The following CTNNA2 variants were observed in gnomAD, a reference collection of about 807,000 sequenced individuals.
CTNNA2 encodes the protein catenin alpha-2.
In CTNNA2, 42 loss-of-function variants were observed where a neutral mutation model predicts 101.0. The ratio of observed to expected loss-of-function variants is 0.42; its 90% CI spans 0.32 to 0.54. CTNNA2 has a LOEUF of 0.54. Among genes scored for constraint, CTNNA2 ranks in the 20% least tolerant of loss-of-function variants. The probability of loss-of-function intolerance (pLI) is 0.14; values close to 1 mark genes in which losing one functional copy is unlikely to be tolerated. For missense variants in CTNNA2, 871 were observed against 1,223.1 expected (o/e 0.71, Z 4.29); for synonymous variants, 450 against 456.4 (o/e 0.99, Z 0.18).
At chr2:79,757,767 C>T (rs75236684) in intron 3 of CTNNA2, among the ~76,000 whole-genome samples, 2,439 of 152,190 alleles carry the variant, frequency 0.016, 47 homozygotes, top group African/African-American at 0.054. Context: ...ATGGTGCCTG[C>T]GCTGTGCGAC....
intron 4 of CTNNA2, among the ~76,000 whole-genome samples, chr2:79,391,537 A>T (rs1364557487): frequency 6.6e-6 from 1 of 152,170 alleles, no homozygotes; most frequent in Non-Finnish European, 1.5e-5. Context: ...GTCAAAAATT[A>T]TATGTGGACT....
intron 2 of CTNNA2, among the ~76,000 whole-genome samples, chr2:79,709,740 T>A (rs1258255387): frequency 2.0e-5 from 3 of 151,620 alleles, no homozygotes; most frequent in Admixed American, 6.6e-5. Flanking sequence ...CAGCAGGAAG[T>A]GGTAATGGAG....
chr2:79,640,306 G>A (rs1363085917), intron 1 of CTNNA2, among the ~76,000 whole-genome samples: 4 of 152,028 alleles, frequency 2.6e-5, no homozygotes, highest in African/African-American at 9.7e-5. Context: ...CAGTGAGAAG[G>A]AAGACTTCCT....
intron 4 of CTNNA2, among the ~76,000 whole-genome samples, chr2:79,499,673 A>G (rs1482825383): frequency 6.6e-6 from 1 of 152,180 alleles, no homozygotes; most frequent in African/African-American, 2.4e-5. Flanking sequence ...CACTGGCTAT[A>G]GTATCCCATT....
chr2:79,503,837 G>A (rs1473692031), intron 4 of CTNNA2, among the ~76,000 whole-genome samples: 1 of 152,072 alleles, frequency 6.6e-6, no homozygotes, highest in Non-Finnish European at 1.5e-5. Context: ...CGGCCATTTT[G>A]GGTCCTTATT....
intron 7 of CTNNA2, among the ~76,000 whole-genome samples, chr2:80,154,633 T>C (rs141424279): frequency 5.6e-4 from 86 of 152,256 alleles, no homozygotes; most frequent in African/African-American, 1.9e-3. Context: ...GTGGACAAGA[T>C]TGTGCTGAGA....
intron 7 of CTNNA2, among the ~76,000 whole-genome samples, chr2:80,164,135 G>T (rs900893357): frequency 6.6e-6 from 1 of 151,588 alleles, no homozygotes; most frequent in African/African-American, 2.4e-5. Context: ...GGCATATTTA[G>T]GTTATTTGCA....
intron 9 of CTNNA2, among the ~76,000 whole-genome samples, chr2:80,512,372 A>T (rs1488166412): frequency 6.6e-6 from 1 of 152,146 alleles, no homozygotes; most frequent in Non-Finnish European, 1.5e-5. Context: ...AGCAGATATA[A>T]AAATAAAACT....
chr2:80,109,266 C>T (rs914433364), intron 7 of CTNNA2, among the ~76,000 whole-genome samples: 8 of 152,028 alleles, frequency 5.3e-5, no homozygotes, highest in African/African-American at 9.7e-5. Context: ...TGAGGCCATC[C>T]TGGCCAACAT....
chr2:80,314,441 A>G (rs1424743083), intron 7 of CTNNA2, among the ~76,000 whole-genome samples: 2 of 152,214 alleles, frequency 1.3e-5, no homozygotes, highest in Non-Finnish European at 2.9e-5. Context: ...GATCGCCTCA[A>G]TAGGAAGGAC....
At chr2:79,298,623 A>G (rs1676037181) in intron 2 of CTNNA2, among the ~76,000 whole-genome samples, 1 of 151,792 alleles carries the variant, frequency 6.6e-6, no homozygotes, top group Non-Finnish European at 1.5e-5. Context: ...TCTTTCCTTA[A>G]TTCACTCTTC....
At chr2:80,527,640 C>A (rs1016579875) in intron 9 of CTNNA2, among the ~76,000 whole-genome samples, 1 of 152,114 alleles carries the variant, frequency 6.6e-6, no homozygotes, top group East Asian at 1.9e-4. Context: ...CCAGGTGATT[C>A]TTATGATGGG....
intron 6 of CTNNA2, among the ~76,000 whole-genome samples, chr2:79,886,868 C>T (rs2916509): frequency 0.26 from 39,262 of 150,496 alleles, 5,578 homozygotes; most frequent in Middle Eastern, 0.36. Context: ...CCTCTGTCAC[C>T]CAGGCTGGAG....
chr2:79,448,457 G>T (rs982598350), intron 4 of CTNNA2, among the ~76,000 whole-genome samples: 16 of 151,952 alleles, frequency 1.1e-4, no homozygotes, highest in Non-Finnish European at 2.2e-4. Flanking sequence ...TGTGTTCAAA[G>T]AATTTTTATA....
intron 2 of CTNNA2, among the ~76,000 whole-genome samples, chr2:79,295,760 A>G (rs1481858472): frequency 2.0e-5 from 3 of 151,966 alleles, no homozygotes; most frequent in African/African-American, 4.8e-5. Context: ...TGCATATCCT[A>G]TTTTACCAGT....
intron 7 of CTNNA2, among the ~76,000 whole-genome samples, chr2:80,210,785 C>T (rs957803525): frequency 3.3e-5 from 5 of 152,290 alleles, no homozygotes; most frequent in Middle Eastern, 3.4e-3. Context: ...GTTGAGGAAT[C>T]GCCACAGTGT....
At chr2:80,191,018 G>A (rs1275082648) in intron 7 of CTNNA2, among the ~76,000 whole-genome samples, 3 of 152,108 alleles carry the variant, frequency 2.0e-5, no homozygotes, top group Non-Finnish European at 4.4e-5. Flanking sequence ...TGTTTTGACC[G>A]CTAGGGTCTT....
At chr2:79,859,538 A>T (rs1026203352) in intron 4 of CTNNA2, among the ~76,000 whole-genome samples, 4 of 152,166 alleles carry the variant, frequency 2.6e-5, no homozygotes, top group African/African-American at 9.7e-5. Context: ...TCATAAACAT[A>T]AAGGTAGTGT....
At chr2:79,640,234 A>T (rs549709028) in intron 1 of CTNNA2, among the ~76,000 whole-genome samples, 3 of 152,194 alleles carry the variant, frequency 2.0e-5, no homozygotes, top group Non-Finnish European at 2.9e-5. Context: ...TTGTGTAAAC[A>T]GGGAGACTTC....
Sources: allele counts gnomAD v4.1 joint callset (sites outside exome capture counted in the v4.1 genomes callset), GRCh38; gene constraint gnomAD v4.1.1; transcripts MANE v1.5; gene names NCBI Gene and HGNC (gene_info 2026-07-23, HGNC 2026-07-21).